Variants in IQCE observed in about 807,000 individuals in gnomAD.
The protein encoded by IQCE is IQ domain-containing protein E.
In IQCE, 115 loss-of-function variants were observed where a neutral mutation model predicts 96.0. That is an observed-to-expected ratio of 1.20 (90% CI 1.03 to 1.40). The LOEUF (loss-of-function observed/expected upper bound fraction) is 1.40. Among genes scored for constraint, IQCE ranks in the 40% most tolerant of loss-of-function variants. The pLI is 0.00. For missense variants in IQCE, 1,041 were observed against 909.1 expected (o/e 1.15, Z -1.87); for synonymous variants, 412 against 371.2 (o/e 1.11, Z -1.26).
At chr7:2,589,545 G>A (rs1783410419) in intron 13 of IQCE, among the ~76,000 whole-genome samples, 2 of 152,104 alleles carry the variant, frequency 1.3e-5, no homozygotes, top group Non-Finnish European at 2.9e-5. Flanking sequence ...GATGTCACTC[G>A]AGACTGAAAG....
At chr7:2,588,448 A>T (rs1401500058) in intron 13 of IQCE, among the ~76,000 whole-genome samples, 2 of 147,796 alleles carry the variant, frequency 1.4e-5, no homozygotes, top group Non-Finnish European at 3.0e-5. Context: ...CCGCCTCCCG[A>T]GTTCAAGTGA....
chr7:2,582,785 C>T (rs533924951), intron 9 of IQCE, 135 bp downstream of exon 9: 3 of 677,980 alleles, frequency 4.4e-6, no homozygotes, highest in Non-Finnish European at 5.2e-6. Flanking sequence ...TGTTAGCTGC[C>T]TCTTTTTAAT....
rs1386406082 is a variant in IQCE, at chr7:2,611,148, C to CCGGGCCGGGCCGGGCCGGGCCGGGCCGG, written c.*986_*987insCGGGCCGGGCCGGGCCGGGCCGGGCCGG. The CCGGGCCGGGCCGGGCCGGGCCGGGCCGG allele has an allele frequency of 3.3e-5, 5 of 152,344 alleles. No homozygotes were observed. Among genetic ancestry groups the CCGGGCCGGGCCGGGCCGGGCCGGGCCGG allele is most frequent in the African/African-American group, 1.2e-4 (5 of 41,142 alleles). The allele number at this position is 152,344 out of a possible 1,614,324, so 9.4% of individuals were successfully genotyped here. ...CTGGGCTGGGCTGGGCTGGGCCGGG[C>CCGGGCCGGGCCGGGCCGGGCCGGGCCGG]GTGCGGAGCCTGTGGAGCCAGCAGC... On this transcript the variant is annotated 3_prime_UTR_variant, in exon 22 of 22. Transcript: ENST00000402050.
At chr7:2,561,367 T>C (rs1192922523) in intron 1 of IQCE, among the ~76,000 whole-genome samples, 2 of 152,228 alleles carry the variant, frequency 1.3e-5, no homozygotes, top group Non-Finnish European at 2.9e-5. Context: ...GATGTTATTG[T>C]ATATTGAATT....
intron 15 of IQCE, among the ~76,000 whole-genome samples, chr7:2,593,903 G>A (rs1203054435): frequency 6.6e-6 from 1 of 152,176 alleles, no homozygotes; most frequent in Non-Finnish European, 1.5e-5. Flanking sequence ...CAAAAAACTA[G>A]GTTAGAAATC....
Position 2,590,094 on chromosome 7 carries a change from T to C in IQCE, c.1232T>C (p.Leu411Pro). Residue 411 changes from leucine (L) to proline (P), a missense_variant, in exon 14 of 22, where the codon CTG becomes CCG. Physicochemically the swap from Leu to Pro is moderately conservative, Grantham distance 98. Coordinates refer to ENST00000402050, the MANE Select transcript of IQCE (RefSeq NM_152558.5). ...KEERTALQEQ[L>P]LQRDLEVKQL... ...GAGCGGACCGCGCTGCAGGAGCAGC[T>C]GCTGCAGAGAGAGTAGGTCCTCCCA... The C allele has an allele frequency of 6.2e-7, 1 of 1,612,268 alleles. No homozygotes were observed. Among genetic ancestry groups the C allele is most frequent in the Non-Finnish European group, 8.5e-7 (1 of 1,179,344 alleles).
At chr7:2,571,022 A>T (rs987160030) in intron 3 of IQCE, among the ~76,000 whole-genome samples, 1 of 151,924 alleles carries the variant, frequency 6.6e-6, no homozygotes, top group Non-Finnish European at 1.5e-5. Flanking sequence ...TATTCTTCCC[A>T]TTCTTTTCTT....
At chr7:2,570,712 A>G (rs1384212164) in intron 3 of IQCE, among the ~76,000 whole-genome samples, 1 of 152,160 alleles carries the variant, frequency 6.6e-6, no homozygotes, top group African/African-American at 2.4e-5. Flanking sequence ...TCTTTTTTAT[A>G]CTTAAAGAGG....
chr7:2,572,744 G>A (rs1284187610), intron 5 of IQCE: 1 of 456,960 alleles, frequency 2.2e-6, no homozygotes, highest in Non-Finnish European at 4.4e-6. Context: ...GAATCTCGCT[G>A]TGTTGCCCAG....
intron 16 of IQCE, chr7:2,596,780 G>T (rs1158183284): frequency 5.7e-6 from 2 of 348,140 alleles, no homozygotes; most frequent in Non-Finnish European, 1.2e-5. Flanking sequence ...TCACTTTAGC[G>T]GAACAGAGGC....
At chr7:2,564,903 T>G (rs1049975686) in intron 1 of IQCE, among the ~76,000 whole-genome samples, 2 of 152,208 alleles carry the variant, frequency 1.3e-5, no homozygotes, top group Admixed American at 1.3e-4. Flanking sequence ...AACACCTTGA[T>G]TCTGGACTTC....
intron 12 of IQCE, among the ~76,000 whole-genome samples, chr7:2,587,384 C>T (rs1407656854): frequency 6.7e-6 from 1 of 149,572 alleles, no homozygotes; most frequent in Non-Finnish European, 1.5e-5. Context: ...AGCAGGGGGT[C>T]AGGCCCTGAA....
chr7:2,591,983 C>T (rs1304681914), intron 14 of IQCE, among the ~76,000 whole-genome samples: 3 of 102,018 alleles, frequency 2.9e-5, no homozygotes, highest in African/African-American at 7.8e-5. Flanking sequence ...GGGCCTGCCT[C>T]GGCCTCCCAA....
chr7:2,597,168 G>A, intron 16 of IQCE: 1 of 465,036 alleles, frequency 2.2e-6, no homozygotes, highest in South Asian at 1.6e-5. Flanking sequence ...CGGCGGGCTG[G>A]AAGCTTGAAG....
intron 6 of IQCE, among the ~76,000 whole-genome samples, chr7:2,575,793 C>T (rs1782077946): frequency 6.6e-6 from 1 of 152,098 alleles, no homozygotes; most frequent in Admixed American, 6.5e-5. Context: ...GCATCCAGCT[C>T]AGATGAGGCA....
chr7:2,565,755 C>T (rs1337348120), intron 1 of IQCE, among the ~76,000 whole-genome samples: 1 of 152,144 alleles, frequency 6.6e-6, no homozygotes, highest in Non-Finnish European at 1.5e-5. Flanking sequence ...TTGTCATATG[C>T]TGTTTATGTC....
At chr7:2,578,547 A>T in intron 8 of IQCE, 21 bp downstream of exon 8, 1 of 1,613,758 alleles carries the variant, frequency 6.2e-7, no homozygotes, top group Non-Finnish European at 8.5e-7. Context: ...TGTGTGCAGG[A>T]CAGAGCCTTT....
rs1783717446 is a variant in IQCE at position 2,592,894 on chromosome 7, CT to C, written c.1245-127del. 3.0e-6 allele frequency: 3 copies of C among 998,668 alleles called. No individual in the cohort carries two copies. In the South Asian group the frequency reaches 6.2e-5, roughly 20 times the overall value. 61.9% of individuals were successfully genotyped at this position (998,668 alleles called of 1,614,324 possible). On this transcript the variant is annotated intron_variant, in intron 14 of 21. Coordinates refer to ENST00000402050, the MANE Select transcript of IQCE (RefSeq NM_152558.5). The stretch of plus-strand genomic sequence containing the variant: ...TGTGATTAGAAATGGGCCTTTTGTG[CT>C]CCTCCTGCCCCACCATCCACTGTCC...
At chr7:2,568,832 C>T (rs528993616) in intron 2 of IQCE, 122 bp from the exon 3 acceptor site, 57 of 871,874 alleles carry the variant, frequency 6.5e-5, no homozygotes, top group Middle Eastern at 5.2e-4. Flanking sequence ...CTTACGTCCC[C>T]GTAAGCTCAC....
Sources: gnomAD v4.1 joint callset for allele counts (sites outside exome capture counted in the v4.1 genomes callset) on GRCh38, gnomAD v4.1.1 for gene constraint, MANE v1.5 for transcripts, NCBI Gene and HGNC (gene_info 2026-07-23, HGNC 2026-07-21) for gene names.